PDGFD: variants seen among roughly 807,000 people sequenced by gnomAD.
The protein encoded by PDGFD is platelet derived growth factor D.
Under a neutral mutation model 44.7 loss-of-function variants are expected in PDGFD, and 30 were observed. That is an observed-to-expected ratio of 0.67 (90% CI 0.50 to 0.91). The LOEUF (loss-of-function observed/expected upper bound fraction) is 0.91, where lower values mean the gene tolerates loss of function less well. Among genes scored for constraint, PDGFD ranks in the 40% least tolerant of loss-of-function variants. The pLI, the probability that PDGFD is intolerant of heterozygous loss-of-function variation, is 0.00. For missense variants in PDGFD, 445 were observed against 457.8 expected (o/e 0.97, Z 0.25); for synonymous variants, 173 against 168.4 (o/e 1.03, Z -0.21).
At chr11:103,975,688 G>T (rs1397468845) in intron 3 of PDGFD, among the ~76,000 whole-genome samples, 1 of 152,036 alleles carries the variant, frequency 6.6e-6, no homozygotes, top group Non-Finnish European at 1.5e-5. Context: ...TATGGAAGGG[G>T]TCCAGTTTCT....
intron 1 of PDGFD, among the ~76,000 whole-genome samples, chr11:104,128,331 T>C (rs924561): frequency 0.13 from 19,805 of 152,114 alleles, 1,423 homozygotes; most frequent in East Asian, 0.29. Context: ...TCAAAAATGC[T>C]GCATAGTATA....
chr11:104,121,961 T>C (rs963457313), intron 1 of PDGFD, among the ~76,000 whole-genome samples: 1 of 152,066 alleles, frequency 6.6e-6, no homozygotes, highest in African/African-American at 2.4e-5. Flanking sequence ...CATCTGATGA[T>C]AATATAGTAG....
intron 1 of PDGFD, among the ~76,000 whole-genome samples, chr11:104,159,237 AAG>A (rs1039415365): frequency 1.4e-4 from 22 of 152,214 alleles, no homozygotes; most frequent in African/African-American, 4.8e-4. Context: ...ATGATCTGAA[AAG>A]AGAGAGCCTT....
At chr11:104,093,320 G>A (rs1026101556) in intron 1 of PDGFD, among the ~76,000 whole-genome samples, 17 of 151,654 alleles carry the variant, frequency 1.1e-4, no homozygotes, top group African/African-American at 3.9e-4. Flanking sequence ...ACACACACAC[G>A]CACACACATA....
At chr11:104,067,824 G>A (rs1217361833) in intron 1 of PDGFD, among the ~76,000 whole-genome samples, 1 of 152,122 alleles carries the variant, frequency 6.6e-6, no homozygotes, top group East Asian at 1.9e-4. Flanking sequence ...ACATAGAGCA[G>A]TTATGCTCAT....
chr11:104,093,986 C>T (rs1055009316), intron 1 of PDGFD, among the ~76,000 whole-genome samples: 7 of 151,688 alleles, frequency 4.6e-5, no homozygotes, highest in African/African-American at 1.5e-4. Context: ...CTTACATGTG[C>T]TGCCTGCCTT....
chr11:104,009,960 T>C (rs897771150), intron 1 of PDGFD, among the ~76,000 whole-genome samples: 3 of 152,134 alleles, frequency 2.0e-5, no homozygotes, highest in African/African-American at 7.2e-5. Flanking sequence ...ATGTTCCTAG[T>C]GAGAATTAGT....
chr11:103,958,519 C>T (rs189767130), intron 3 of PDGFD, among the ~76,000 whole-genome samples: 2 of 152,236 alleles, frequency 1.3e-5, no homozygotes, highest in East Asian at 3.9e-4. Context: ...TATTCCTGCA[C>T]CTTAGGAAAA....
intron 1 of PDGFD, among the ~76,000 whole-genome samples, chr11:104,020,782 A>G (rs1859937525): frequency 6.6e-6 from 1 of 152,158 alleles, no homozygotes; most frequent in African/African-American, 2.4e-5. Context: ...AATAGTTTCA[A>G]ACAGAAAGGA....
At chr11:103,970,998 G>A (rs1319133890) in intron 3 of PDGFD, among the ~76,000 whole-genome samples, 1 of 152,132 alleles carries the variant, frequency 6.6e-6, no homozygotes, top group Non-Finnish European at 1.5e-5. Context: ...CCATTGCTGT[G>A]ACAGAGAGTA....
At chr11:104,049,732 A>G (rs1029318710) in intron 1 of PDGFD, among the ~76,000 whole-genome samples, 1 of 152,158 alleles carries the variant, frequency 6.6e-6, no homozygotes, top group Non-Finnish European at 1.5e-5. Context: ...AATTAATAAA[A>G]TGTTTCATGA....
chr11:103,947,730 A>C lies in PDGFD; in HGVS notation c.511-6T>G, dbSNP rs775612734. On this transcript the variant is annotated splice_region_variant and splice_polypyrimidine_tract_variant and intron_variant, in intron 3 of 6. Coordinates refer to ENST00000393158, the MANE Select transcript of PDGFD (RefSeq NM_025208.5). The stretch of plus-strand genomic sequence containing the variant: ...GCTGCGGGTTGGAAATCTTCCTGGA[A>C]GGCAAAGAAACATCTGTGAGTCAGT... 5 of 1,611,382 alleles carry C rather than the reference A, an allele frequency of 3.1e-6. No individual in the cohort carries two copies. In the African/African-American group the frequency reaches 4.0e-5, roughly 13 times the overall value.
intron 1 of PDGFD, among the ~76,000 whole-genome samples, chr11:104,012,291 T>TA (rs1859796629): frequency 6.6e-6 from 1 of 152,224 alleles, no homozygotes; most frequent in African/African-American, 2.4e-5. Flanking sequence ...AAGGTCATGT[T>TA]ACTTTGAAGC....
At chr11:103,914,102 G>A (rs488763) in intron 6 of PDGFD, among the ~76,000 whole-genome samples, 84,307 of 151,962 alleles carry the variant, frequency 0.55, 24,416 homozygotes, top group African/African-American at 0.72. Context: ...GATAGCGAGA[G>A]GGTGAGTTGG....
intron 1 of PDGFD, among the ~76,000 whole-genome samples, chr11:104,118,462 T>A (rs1545865): frequency 6.6e-6 from 1 of 151,408 alleles, no homozygotes. Flanking sequence ...GTTTAAGTCA[T>A]TCAGTTTATG....
Position 104,050,833 on chromosome 11 carries a change from T to G in PDGFD, c.125-50578A>C, listed in dbSNP as rs182662597. Among the ~76,000 whole-genome samples, 3 of 152,310 alleles carry G rather than the reference T, an allele frequency of 2.0e-5. No homozygotes were observed. The East Asian group carries it at 5.8e-4, about 29-fold the overall frequency. ...GCAGAGGATCACTCCAAGAGTCCTC[T>G]CAACTCCAAGACTGATTGTAATCTT... On this transcript the variant is annotated intron_variant, in intron 1 of 6. Coordinates refer to ENST00000393158, the MANE Select transcript of PDGFD (RefSeq NM_025208.5).
chr11:104,141,175 C>G (rs190749431), intron 1 of PDGFD, among the ~76,000 whole-genome samples: 3 of 152,072 alleles, frequency 2.0e-5, no homozygotes, highest in Non-Finnish European at 2.9e-5. Flanking sequence ...CTAAAACCAA[C>G]GTAGTTAAAA....
chr11:103,997,026 G>A lies in PDGFD; in HGVS notation c.330-781C>T, dbSNP rs557983397. Among the ~76,000 whole-genome samples the A allele has an allele frequency of 5.9e-5, 9 of 152,320 alleles. No homozygotes were observed. The South Asian group carries it at 1.7e-3, about 28-fold the overall frequency. On this transcript the variant is annotated intron_variant, in intron 2 of 6. Coordinates refer to ENST00000393158, the MANE Select transcript of PDGFD (RefSeq NM_025208.5). ...ATTTGGTCTTCAAAGCACCTCCAGA[G>A]TGTTCCATCATTCTATCACATAGTA...
intron 1 of PDGFD, among the ~76,000 whole-genome samples, chr11:104,061,273 GAAAA>G (rs376305312): frequency 6.8e-6 from 1 of 146,848 alleles, no homozygotes; most frequent in East Asian, 2.0e-4. Flanking sequence ...AGTCAAAAAG[GAAAA>G]AAAAAAGTGT....
Sources: allele counts gnomAD v4.1 joint callset (sites outside exome capture counted in the v4.1 genomes callset), GRCh38; gene constraint gnomAD v4.1.1; transcripts MANE v1.5; gene names NCBI Gene and HGNC (gene_info 2026-07-23, HGNC 2026-07-21).